The following FARS2 variants were observed in gnomAD, a reference collection of about 807,000 sequenced individuals.
FARS2 encodes phenylalanyl-tRNA synthetase 2, mitochondrial, also known as phenylalanine--tRNA ligase, mitochondrial.
A neutral mutation model predicts 46.4 loss-of-function variants in FARS2; 40 were observed. The ratio of observed to expected loss-of-function variants is 0.86; its 90% CI spans 0.67 to 1.12. The LOEUF is 1.12. FARS2 is among the 50% of genes most tolerant of loss of function. FARS2 has a pLI of 0.00. For missense variants in FARS2, 513 were observed against 567.9 expected, an observed-to-expected ratio of 0.90 and a Z score of 0.98; for synonymous variants, 234 against 214.9, an observed-to-expected ratio of 1.09 and a Z score of -0.78.
At chr6:5,533,650 A>T (rs866574912) in intron 4 of FARS2, among the ~76,000 whole-genome samples, 10 of 152,196 alleles carry the variant, frequency 6.6e-5, no homozygotes, top group Non-Finnish European at 1.0e-4. Context: ...GTATTAGAAG[A>T]TATTTTCTGA....
intron 6 of FARS2, among the ~76,000 whole-genome samples, chr6:5,643,210 C>T (rs1043128176): frequency 1.8e-4 from 27 of 152,156 alleles, no homozygotes; most frequent in African/African-American, 6.0e-4. Context: ...AGCAAATGTA[C>T]GTGGGTGAGG....
In FARS2 at chr6:5,388,072, G is replaced by T. The variant is rs1373343958; in HGVS notation, c.613-16470G>T. ...TACATTATTACCTGTATTCATTTTTGTTCTTTTGTTTCTAAACTCTCTTGC... is the reference window on the plus strand; with the variant it reads ...TACATTATTACCTGTATTCATTTTTTTTCTTTTGTTTCTAAACTCTCTTGC... On this transcript the variant is annotated intron_variant, in intron 2 of 6. Coordinates refer to ENST00000274680, the MANE Select transcript of FARS2 (RefSeq NM_006567.5). Among the ~76,000 whole-genome samples the T allele has an allele frequency of 4.6e-5, 7 of 151,214 alleles. No individual in the cohort carries two copies. In the East Asian group the frequency reaches 1.4e-3, roughly 29 times the overall value.
chr6:5,712,585 A>G (rs568802061), intron 6 of FARS2, among the ~76,000 whole-genome samples: 37 of 152,336 alleles, frequency 2.4e-4, no homozygotes, highest in African/African-American at 8.7e-4. Context: ...TGAGACACAC[A>G]GGGCTAGGAG....
At chr6:5,521,468 A>G (rs952932902) in intron 4 of FARS2, among the ~76,000 whole-genome samples, 1 of 152,162 alleles carries the variant, frequency 6.6e-6, no homozygotes, top group African/African-American at 2.4e-5. Flanking sequence ...TTGTGTCCCC[A>G]TACGGGTGCA....
chr6:5,496,697 A>G (rs9378427), intron 4 of FARS2, among the ~76,000 whole-genome samples: 13,636 of 152,068 alleles, frequency 0.09, 715 homozygotes, highest in East Asian at 0.23. Flanking sequence ...AAGGACATCC[A>G]AGTCAAATTG....
At chr6:5,540,100 G>A (rs1770527055) in intron 4 of FARS2, among the ~76,000 whole-genome samples, 1 of 152,330 alleles carries the variant, frequency 6.6e-6, no homozygotes, top group Admixed American at 6.5e-5. Context: ...GCTTGGCAGT[G>A]CATGCGTGGG....
At chr6:5,461,470 TC>T (rs1421051340) in intron 4 of FARS2, among the ~76,000 whole-genome samples, 2 of 152,208 alleles carry the variant, frequency 1.3e-5, no homozygotes, top group Non-Finnish European at 2.9e-5. Flanking sequence ...TATAGAGTTT[TC>T]CAGCCACCAT....
chr6:5,298,458 C>T (rs1768053800), intron 1 of FARS2, among the ~76,000 whole-genome samples: 1 of 152,180 alleles, frequency 6.6e-6, no homozygotes, highest in Admixed American at 6.5e-5. Context: ...TGCTTCTTGT[C>T]CCAGCATATC....
At chr6:5,647,112 G>A (rs182210301) in intron 6 of FARS2, among the ~76,000 whole-genome samples, 1 of 152,138 alleles carries the variant, frequency 6.6e-6, no homozygotes, top group Non-Finnish European at 1.5e-5. Flanking sequence ...CCTCACCAAC[G>A]GTAAAGGTAG....
upstream of FARS2, among the ~76,000 whole-genome samples, chr6:5,256,383 G>A (rs1037778887): frequency 2.0e-5 from 3 of 150,634 alleles, no homozygotes; most frequent in Non-Finnish European, 3.0e-5. Context: ...CCAGCTACTC[G>A]GGAGGCTGAG....
Position 5,471,154 on chromosome 6 carries a change from C to T in FARS2, c.904+39982C>T, listed in dbSNP as rs548090925. On this transcript the variant is annotated intron_variant, in intron 4 of 6. Transcript: ENST00000274680. The surrounding 1 kb of genome is among the most constrained non-coding windows in gnomAD (Gnocchi z 4.1). ...CTGACCCAGAAGCAGCAGTAGAGGG[C>T]GCTCGGCCCCTCATTTCATAATAGT... Among the ~76,000 whole-genome samples, 1 of 152,274 alleles carries T rather than the reference C, an allele frequency of 6.6e-6. No individual in the cohort carries two copies. The highest frequency in any genetic ancestry group is 2.4e-5 in the African/African-American group (1 of 41,552).
chr6:5,670,361 A>G (rs983543943), intron 6 of FARS2, among the ~76,000 whole-genome samples: 1 of 152,204 alleles, frequency 6.6e-6, no homozygotes, highest in Non-Finnish European at 1.5e-5. Flanking sequence ...TTTACTTACT[A>G]AACATTTTTA....
In FARS2 at chr6:5,533,553, G is replaced by A. The variant is rs115149833; in HGVS notation, c.905-11627G>A. On this transcript the variant is annotated intron_variant, in intron 4 of 6. Transcript: ENST00000274680. ...CAGCCACTCGAGATGGATCAGTGAC[G>A]AAAACCAGTGAAGATGCTGCCCTCA... 9.3e-3 allele frequency among the ~76,000 whole-genome samples: 1,410 copies of A among 152,310 alleles called. 17 individuals carry two copies. The highest frequency in any genetic ancestry group is 0.031 in the African/African-American group (1,289 of 41,556).
At chr6:5,481,177 A>C (rs1766433708) in intron 4 of FARS2, among the ~76,000 whole-genome samples, 1 of 152,240 alleles carries the variant, frequency 6.6e-6, no homozygotes, top group Non-Finnish European at 1.5e-5. Context: ...GTCTCGGTTC[A>C]GAACGGGTAC....
At chr6:5,406,523 A>G (rs921661174) in intron 3 of FARS2, among the ~76,000 whole-genome samples, 3 of 152,198 alleles carry the variant, frequency 2.0e-5, no homozygotes, top group African/African-American at 7.2e-5. Context: ...ATATAAATGG[A>G]ATCTTAGAAT....
chr6:5,524,393 A>AT (rs1769335914), intron 4 of FARS2, among the ~76,000 whole-genome samples: 1 of 152,254 alleles, frequency 6.6e-6, no homozygotes, highest in African/African-American at 2.4e-5. Context: ...GAATCCTAGA[A>AT]TCCCTAAGCA....
At chr6:5,556,010 A>AT in intron 5 of FARS2, among the ~76,000 whole-genome samples, 1 of 152,112 alleles carries the variant, frequency 6.6e-6, no homozygotes, top group African/African-American at 2.4e-5. Context: ...TGTTATTTAC[A>AT]TTTTTACCAC....
intron 5 of FARS2, among the ~76,000 whole-genome samples, chr6:5,576,220 T>G (rs1238959186): frequency 6.6e-6 from 1 of 152,162 alleles, no homozygotes; most frequent in Non-Finnish European, 1.5e-5. Flanking sequence ...TGGGTGTGTC[T>G]GTGAGGGTGT....
At chr6:5,571,783 C>T (rs923655128) in intron 5 of FARS2, among the ~76,000 whole-genome samples, 3 of 152,288 alleles carry the variant, frequency 2.0e-5, no homozygotes, top group African/African-American at 2.4e-5. Context: ...TCTCATCCCA[C>T]GATCTTCTAC....
Sources: gnomAD v4.1 joint callset for allele counts (sites outside exome capture counted in the v4.1 genomes callset) on GRCh38, gnomAD v4.1.1 for gene constraint, Gnocchi (gnomAD v3.1) non-coding constraint, MANE v1.5 for transcripts, NCBI Gene and HGNC (gene_info 2026-07-23, HGNC 2026-07-21) for gene names.